ADRA1A: variants seen among roughly 807,000 people sequenced by gnomAD.
The protein encoded by ADRA1A is alpha-1A adrenergic receptor.
A neutral mutation model predicts 29.6 loss-of-function variants in ADRA1A; 31 were observed. The observed-to-expected ratio is 1.05, with a 90% CI of 0.79 to 1.41. The LOEUF (loss-of-function observed/expected upper bound fraction) is 1.41, where lower values mean the gene tolerates loss of function less well. ADRA1A is among the 40% of genes most tolerant of loss of function. The pLI is 0.00. For missense variants in ADRA1A, 619 were observed against 601.1 expected, an observed-to-expected ratio of 1.03 and a Z score of -0.31; for synonymous variants, 311 against 254.3, an observed-to-expected ratio of 1.22 and a Z score of -2.12.
Position 26,805,625 on chromosome 8 carries a change from G to A in ADRA1A, c.884-34959C>T. ...GCTAAGTAACTTGCCCAAGGCCATG[G>A]AACAAGTGAGAGATGGAACTGGATT... On this transcript the variant is annotated intron_variant, in intron 2 of 2. Transcript: ENST00000380573. This position sits in a 1 kb window ranked among gnomAD's most constrained non-coding sequence, Gnocchi z 4.8. Among the ~76,000 whole-genome samples the A allele has an allele frequency of 6.6e-6, 1 of 152,168 alleles. No individual in the cohort carries two copies. Among genetic ancestry groups the A allele is most frequent in the African/African-American group, 2.4e-5 (1 of 41,448 alleles).
intron 2 of ADRA1A, among the ~76,000 whole-genome samples, chr8:26,837,525 C>T (rs1401365057): frequency 1.3e-5 from 2 of 152,000 alleles, no homozygotes; most frequent in Non-Finnish European, 2.9e-5. Context: ...GTGGTGCATG[C>T]CTATAATCCT....
downstream of ADRA1A, among the ~76,000 whole-genome samples, chr8:26,753,726 C>T (rs1054950087): frequency 3.9e-5 from 6 of 152,144 alleles, no homozygotes; most frequent in South Asian, 2.1e-4. Flanking sequence ...TCATTTAGCC[C>T]GCTGAAGACA....
chr8:26,788,530 G>A (rs1301909334), intron 2 of ADRA1A, among the ~76,000 whole-genome samples: 1 of 152,116 alleles, frequency 6.6e-6, no homozygotes, highest in Non-Finnish European at 1.5e-5. Flanking sequence ...ACTAATAATA[G>A]TAATTATAAC....
Position 26,769,894 on chromosome 8 carries a change from A to C in ADRA1A, c.*255T>G. 3 of 1,235,666 alleles carry C rather than the reference A, an allele frequency of 2.4e-6. No individual in the cohort carries two copies. The highest frequency in any genetic ancestry group is 3.0e-6 in the Non-Finnish European group (3 of 989,244). The allele number at this position is 1,235,666 out of a possible 1,614,324, so 76.5% of individuals were successfully genotyped here. A position where few individuals can be genotyped will look rare whatever the true frequency, so the allele number is the denominator to read the frequency against. On this transcript the variant is annotated 3_prime_UTR_variant, in exon 3 of 3. Coordinates refer to ENST00000380573, the MANE Select transcript of ADRA1A (RefSeq NM_000680.4). ...CATGGTGGTTTTCGTTGAAGTGGGC[A>C]CAGAGTGACCAAGAAAGCATTAGCT...
rs1365627353 is a variant in ADRA1A, at chr8:26,848,171, C to T, written c.883+15916G>A. 6.6e-6 allele frequency among the ~76,000 whole-genome samples: 1 copy of T among 152,196 alleles called. No homozygotes were observed. The highest frequency in any genetic ancestry group is 2.4e-5 in the African/African-American group (1 of 41,446). On this transcript the variant is annotated intron_variant, in intron 2 of 2. Coordinates refer to ENST00000380573, the MANE Select transcript of ADRA1A (RefSeq NM_000680.4). This position sits in a 1 kb window ranked among gnomAD's most constrained non-coding sequence, Gnocchi z 4.3. ...CAAGATGTCACTAATCCCTTGCGTG[C>T]CTCAGTTTCCTTATCTCTACATGAG...
At position 26,848,957 on chromosome 8, in the gene ADRA1A, A is replaced by G. The variant is rs550787634; in HGVS notation, c.883+15130T>C. On this transcript the variant is annotated intron_variant, in intron 2 of 2. Transcript: ENST00000380573. This position sits in a 1 kb window ranked among gnomAD's most constrained non-coding sequence, Gnocchi z 4.3. ...TGCGGGTGACCCACTTCTGCTTCACACTCTGATATCCCCATGAAAAGGAGC... is the reference window on the plus strand; with the variant it reads ...TGCGGGTGACCCACTTCTGCTTCACGCTCTGATATCCCCATGAAAAGGAGC... 6.6e-6 allele frequency among the ~76,000 whole-genome samples: 1 copy of G among 152,204 alleles called. No individual in the cohort carries two copies. Among genetic ancestry groups the G allele is most frequent in the South Asian group, 2.1e-4 (1 of 4,822 alleles).
chr8:26,811,453 A>T (rs1235660382), intron 2 of ADRA1A, among the ~76,000 whole-genome samples: 1 of 152,060 alleles, frequency 6.6e-6, no homozygotes, highest in Non-Finnish European at 1.5e-5. Flanking sequence ...CGGCCTCCCA[A>T]AGTGCTGGGA....
In ADRA1A at chr8:26,821,277, C is replaced by T. The variant is rs576569338; in HGVS notation, c.883+42810G>A. Among the ~76,000 whole-genome samples, 1 of 152,276 alleles carries T rather than the reference C, an allele frequency of 6.6e-6. No individual in the cohort carries two copies. ...GAGGTTTAATTGGCTCATGTTGCTG[C>T]AGGCTGTACAAACATGGCTCTAGCA... is the stretch of plus-strand genomic sequence containing the variant. On this transcript the variant is annotated intron_variant, in intron 2 of 2. Transcript: ENST00000380573. This position sits in a 1 kb window ranked among gnomAD's most constrained non-coding sequence, Gnocchi z 5.6.
intron 2 of ADRA1A, among the ~76,000 whole-genome samples, chr8:26,818,186 C>G (rs1372366313): frequency 2.0e-5 from 3 of 152,310 alleles, no homozygotes; most frequent in South Asian, 2.1e-4. Flanking sequence ...GACGGTTTGA[C>G]TATAAACAGA....
chr8:26,862,780 G>A (rs1283216333), intron 2 of ADRA1A, among the ~76,000 whole-genome samples: 2 of 152,232 alleles, frequency 1.3e-5, no homozygotes, highest in South Asian at 2.1e-4. Flanking sequence ...GGCCACGTGT[G>A]ACTATGGAGC....
rs1563237102 is a variant in ADRA1A, at chr8:26,770,024, C to A, written c.*125G>T. On this transcript the variant is annotated 3_prime_UTR_variant, in exon 3 of 3. Transcript: ENST00000380573. ...CCTGATGAGTTGGGTCTACCACCCA[C>A]CCCATTCCCAGCAGGTCCCCTCTTT... 1 of 1,478,110 alleles carries A rather than the reference C, an allele frequency of 6.8e-7. No homozygotes were observed. Among genetic ancestry groups the A allele is most frequent in the East Asian group, 2.3e-5 (1 of 43,634 alleles). 91.6% of individuals were successfully genotyped at this position (1,478,110 alleles called of 1,614,324 possible).
intron 2 of ADRA1A, among the ~76,000 whole-genome samples, chr8:26,771,254 C>T (rs542614732): frequency 2.0e-3 from 301 of 152,324 alleles, no homozygotes; most frequent in Non-Finnish European, 3.3e-3. Context: ...TTGATGTCAC[C>T]GTTAGCTCCC....
intron 2 of ADRA1A, among the ~76,000 whole-genome samples, chr8:26,829,564 T>A (rs1285192257): frequency 5.3e-5 from 8 of 152,138 alleles, no homozygotes; most frequent in Non-Finnish European, 5.9e-5. Context: ...GATGATTGAA[T>A]GAATGACGAA....
At chr8:26,814,275 G>A (rs982212767) in intron 2 of ADRA1A, among the ~76,000 whole-genome samples, 1 of 151,824 alleles carries the variant, frequency 6.6e-6, no homozygotes, top group Non-Finnish European at 1.5e-5. Context: ...ACAGGGTCTT[G>A]CTCTGTCGCC....
rs61757009 is a variant in ADRA1A at position 26,864,510 on chromosome 8, A to C, written c.460T>G (p.Ser154Ala). ...AGGGGTCCAATGGATATGACCAGGGAGAGTGCCCAGACGCAGAGCAGAGCC... is the reference window on the plus strand; with the variant it reads ...AGGGGTCCAATGGATATGACCAGGGCGAGTGCCCAGACGCAGAGCAGAGCC... The part of the protein sequence containing the change: ...LMALLCVWAL[S>A]LVISIGPLFG... Residue 154 changes from serine (S) to alanine (A), a missense_variant, in exon 2 of 3, where the codon TCC (serine) becomes GCC (alanine). Physicochemically the swap from Ser to Ala is moderately conservative, Grantham distance 99. Transcript: ENST00000380573. This position sits in a 1 kb window ranked among gnomAD's most constrained non-coding sequence, Gnocchi z 8.1. 8.9e-3 allele frequency: 14,338 copies of C among 1,613,934 alleles called. 111 individuals are homozygous for C. The highest frequency in any genetic ancestry group is 0.011 in the Non-Finnish European group (12,403 of 1,180,022).
rs1806001939 is a variant in ADRA1A, at chr8:26,769,762, T to A, written c.*387A>T. The A allele has an allele frequency of 1.0e-6, 1 of 995,722 alleles. No individual in the cohort carries two copies. 61.7% of individuals were successfully genotyped at this position (995,722 alleles called of 1,614,324 possible). ...AGCCTGAAAATAAAATCCCCTCACT[T>A]CCATCAAGAAATAGCTCCAAACTTA... On this transcript the variant is annotated 3_prime_UTR_variant, in exon 3 of 3. Coordinates refer to ENST00000380573, the MANE Select transcript of ADRA1A (RefSeq NM_000680.4).
intron 2 of ADRA1A, among the ~76,000 whole-genome samples, chr8:26,760,262 C>G (rs376551781): frequency 4.6e-5 from 7 of 152,170 alleles, no homozygotes; most frequent in Non-Finnish European, 1.0e-4. Flanking sequence ...TTTCAAGAGG[C>G]ACAAGGTGTG....
rs1813858949 is a variant in ADRA1A at position 26,865,734 on chromosome 8, G to T, written c.-686-79C>A. On this transcript the variant is annotated intron_variant, in intron 1 of 2. Transcript: ENST00000380573. This position sits in a 1 kb window ranked among gnomAD's most constrained non-coding sequence, Gnocchi z 7.6. Reference sequence around the variant, plus strand: ...GGCTGTGCTGAGCTTGACGGGTTGGGGGACACCAGTTGGGAGCCGGGTTGG... The same window carrying T: ...GGCTGTGCTGAGCTTGACGGGTTGGTGGACACCAGTTGGGAGCCGGGTTGG... 1.0e-6 allele frequency: 1 copy of T among 985,188 alleles called. No individual in the cohort carries two copies. Among genetic ancestry groups the T allele is most frequent in the South Asian group, 4.7e-5 (1 of 21,280 alleles). The allele number at this position is 985,188 out of a possible 1,614,324, so 61.0% of individuals were successfully genotyped here.
chr8:26,772,953 G>T (rs1030999122), intron 2 of ADRA1A, among the ~76,000 whole-genome samples: 2 of 152,070 alleles, frequency 1.3e-5, no homozygotes, highest in Middle Eastern at 3.2e-3. Flanking sequence ...TTTTCATGTT[G>T]TCCTATAATT....
Sources: allele counts gnomAD v4.1 joint callset (sites outside exome capture counted in the v4.1 genomes callset), GRCh38; gene constraint gnomAD v4.1.1; non-coding constraint Gnocchi (gnomAD v3.1); transcripts MANE v1.5; gene names NCBI Gene and HGNC (gene_info 2026-07-23, HGNC 2026-07-21).